Variants in EEFSEC observed in about 807,000 individuals in gnomAD.
The protein encoded by EEFSEC is selenocysteine-specific elongation factor.
In EEFSEC, 43 loss-of-function variants were observed where a neutral mutation model predicts 42.1. The ratio of observed to expected loss-of-function variants is 1.02; its 90% CI spans 0.80 to 1.32. The LOEUF is 1.32. Ranked by LOEUF, EEFSEC falls within the 40% of genes most tolerant of loss-of-function variation. The pLI, the probability that EEFSEC is intolerant of heterozygous loss-of-function variation, is 0.00. For synonymous variants in EEFSEC, 354 were observed against 339.1 expected, an observed-to-expected ratio of 1.04 and a Z score of -0.48; for missense variants, 745 against 803.6, an observed-to-expected ratio of 0.93 and a Z score of 0.88.
chr3:128,248,397 CAAG>C (rs1478426182), intron 2 of EEFSEC, among the ~76,000 whole-genome samples: 1 of 152,166 alleles, frequency 6.6e-6, no homozygotes, highest in East Asian at 1.9e-4. Flanking sequence ...TCAGAATTCT[CAAG>C]TTGGTTAAAT....
intron 5 of EEFSEC, among the ~76,000 whole-genome samples, chr3:128,353,028 A>G (rs1271829225): frequency 6.6e-6 from 1 of 152,252 alleles, no homozygotes; most frequent in Non-Finnish European, 1.5e-5. Flanking sequence ...TCCTCACTTA[A>G]CATTGTCACT....
chr3:128,374,183 A>G (rs1242288469), intron 6 of EEFSEC, among the ~76,000 whole-genome samples: 1 of 152,244 alleles, frequency 6.6e-6, no homozygotes, highest in East Asian at 1.9e-4. Flanking sequence ...ATCGGTGCCC[A>G]GTGCTGTCAT....
rs572235411 is a variant in EEFSEC at position 128,369,839 on chromosome 3, G to C, written c.1600+11466G>C. Among the ~76,000 whole-genome samples the C allele has an allele frequency of 2.0e-5, 3 of 152,242 alleles. No individual in the cohort carries two copies. In the East Asian group the frequency reaches 5.8e-4, roughly 29 times the overall value. On this transcript the variant is annotated intron_variant, in intron 6 of 6. Coordinates refer to ENST00000254730, the MANE Select transcript of EEFSEC (RefSeq NM_021937.5). ...GTCTTGTCTGCTTTGTTTGTGCGCC[G>C]AGCCGACTGAGGGTTCCTCCTGGTG...
chr3:128,263,776 G>A (rs2066322632), intron 3 of EEFSEC, among the ~76,000 whole-genome samples: 1 of 149,800 alleles, frequency 6.7e-6, no homozygotes, highest in Non-Finnish European at 1.5e-5. Context: ...TTTGTTTATT[G>A]GTGATGAGCC....
At chr3:128,296,521 C>T (rs1210148860) in intron 4 of EEFSEC, among the ~76,000 whole-genome samples, 3 of 152,202 alleles carry the variant, frequency 2.0e-5, no homozygotes, top group African/African-American at 7.2e-5. Context: ...TGTAGTTCTC[C>T]TGTTTTCTCA....
the EEFSEC span, among the ~76,000 whole-genome samples, chr3:128,422,299 C>T: frequency 9.8e-5 from 15 of 152,328 alleles, no homozygotes; most frequent in Non-Finnish European, 1.9e-4. Flanking sequence ...CTCCTGCATA[C>T]GTTCAGGAGT....
chr3:128,190,634 C>G (rs1288523914), intron 1 of EEFSEC, among the ~76,000 whole-genome samples: 1 of 152,056 alleles, frequency 6.6e-6, no homozygotes, highest in Non-Finnish European at 1.5e-5. Flanking sequence ...TTAGTGTTGT[C>G]TAAGTGTCCA....
At position 128,317,854 on chromosome 3, in the gene EEFSEC, C is replaced by G. The variant is rs1321407407; in HGVS notation, c.787-23379C>G. On this transcript the variant is annotated intron_variant, in intron 4 of 6. Transcript: ENST00000254730. The surrounding 1 kb of genome is among the most constrained non-coding windows in gnomAD (Gnocchi z 4.1). ...AGGCCTGGCACAGATGTCCCCTCCT[C>G]TCTGAGGTTTCCTCCCAGTTCCCTG... Among the ~76,000 whole-genome samples, 2 of 152,264 alleles carry G rather than the reference C, an allele frequency of 1.3e-5. No homozygotes were observed. Among genetic ancestry groups the G allele is most frequent in the African/African-American group, 4.8e-5 (2 of 41,472 alleles).
chr3:128,385,505 G>A (rs2067827624), intron 6 of EEFSEC, among the ~76,000 whole-genome samples: 1 of 152,240 alleles, frequency 6.6e-6, no homozygotes, highest in South Asian at 2.1e-4. Context: ...CCCACAGGCA[G>A]CAGATTGTGA....
At chr3:128,183,841 T>C (rs1240256217) in intron 1 of EEFSEC, among the ~76,000 whole-genome samples, 2 of 152,212 alleles carry the variant, frequency 1.3e-5, no homozygotes, top group Non-Finnish European at 2.9e-5. Flanking sequence ...ATTCCTTATC[T>C]GTGTAAGGAG....
At chr3:128,333,221 C>G (rs2108061435) in intron 4 of EEFSEC, among the ~76,000 whole-genome samples, 1 of 152,344 alleles carries the variant, frequency 6.6e-6, no homozygotes, top group Non-Finnish European at 1.5e-5. Context: ...AAAATCTCTG[C>G]ACATTAGAAA....
intron 1 of EEFSEC, among the ~76,000 whole-genome samples, chr3:128,186,287 T>C (rs1037411373): frequency 1.3e-5 from 2 of 152,238 alleles, no homozygotes; most frequent in Non-Finnish European, 1.5e-5. Flanking sequence ...GGCTTTTTAT[T>C]GTTGACTCAT....
chr3:128,186,837 C>T (rs1368438147), intron 1 of EEFSEC, among the ~76,000 whole-genome samples: 2 of 152,078 alleles, frequency 1.3e-5, no homozygotes, highest in African/African-American at 4.8e-5. Context: ...TTTCCCCCAG[C>T]GGCTTAGGGA....
intron 4 of EEFSEC, among the ~76,000 whole-genome samples, chr3:128,294,620 C>T (rs898387278): frequency 1.4e-4 from 22 of 152,114 alleles, no homozygotes; most frequent in African/African-American, 5.3e-4. Flanking sequence ...AAGTAGAGCA[C>T]CTGTACACTG....
intron 6 of EEFSEC, among the ~76,000 whole-genome samples, chr3:128,372,622 G>T (rs1351194909): frequency 6.6e-6 from 1 of 152,210 alleles, no homozygotes; most frequent in Non-Finnish European, 1.5e-5. Context: ...TACTGCCGAT[G>T]TTCATTTAGC....
chr3:128,367,272 G>A (rs79867191), intron 6 of EEFSEC, among the ~76,000 whole-genome samples: 2 of 152,218 alleles, frequency 1.3e-5, no homozygotes, highest in Admixed American at 6.5e-5. Flanking sequence ...TAGGATGCTG[G>A]CACTGGCAGA....
chr3:128,403,009 A>G (rs2068065767), intron 6 of EEFSEC, among the ~76,000 whole-genome samples: 1 of 152,188 alleles, frequency 6.6e-6, no homozygotes, highest in Admixed American at 6.5e-5. Flanking sequence ...AGAAGGTGAT[A>G]AGAGCTATAG....
At chr3:128,195,231 CCTT>C (rs1354202771) in intron 1 of EEFSEC, among the ~76,000 whole-genome samples, 9 of 152,268 alleles carry the variant, frequency 5.9e-5, no homozygotes, top group African/African-American at 1.9e-4. Context: ...AAGAAATCTG[CCTT>C]CTATTTGTTT....
At chr3:128,193,276 CAGAA>C (rs1443069587) in intron 1 of EEFSEC, among the ~76,000 whole-genome samples, 1 of 152,182 alleles carries the variant, frequency 6.6e-6, no homozygotes, top group Non-Finnish European at 1.5e-5. Context: ...CCACATACCC[CAGAA>C]AGAAAGTGCC....
Sources: gnomAD v4.1 joint callset for allele counts (sites outside exome capture counted in the v4.1 genomes callset) on GRCh38, gnomAD v4.1.1 for gene constraint, Gnocchi (gnomAD v3.1) non-coding constraint, MANE v1.5 for transcripts, NCBI Gene and HGNC (gene_info 2026-07-23, HGNC 2026-07-21) for gene names.